VTI1A: variants seen among roughly 807,000 people sequenced by gnomAD.
VTI1A encodes vesicle transport through interaction with t-SNAREs 1A.
VTI1A carries 22 observed loss-of-function variants against 34.9 expected under a neutral mutation model. The observed-to-expected ratio is 0.63, with a 90% confidence interval of 0.45 to 0.90. The LOEUF (loss-of-function observed/expected upper bound fraction) is 0.90. VTI1A is among the 40% of genes least tolerant of loss of function. VTI1A has a pLI of 0.00. For synonymous variants in VTI1A, 87 were observed against 97.3 expected, an observed-to-expected ratio of 0.89 and a Z score of 0.62; for missense variants, 268 against 275.6, an observed-to-expected ratio of 0.97 and a Z score of 0.20.
At chr10:112,628,900 A>C (rs1400238939) in intron 5 of VTI1A, among the ~76,000 whole-genome samples, 1 of 152,142 alleles carries the variant, frequency 6.6e-6, no homozygotes, top group Non-Finnish European at 1.5e-5. Context: ...GTCTACATTT[A>C]AAGTATGAGT....
chr10:112,531,058 ACACCT>A (rs1850407269), intron 4 of VTI1A, among the ~76,000 whole-genome samples: 1 of 99,564 alleles, frequency 1.0e-5, no homozygotes, highest in Non-Finnish European at 2.1e-5. Flanking sequence ...GTCACGTGAC[ACACCT>A]CACACACACA....
intron 5 of VTI1A, among the ~76,000 whole-genome samples, chr10:112,619,898 T>C (rs1845660992): frequency 6.6e-6 from 1 of 152,096 alleles, no homozygotes; most frequent in African/African-American, 2.4e-5. Flanking sequence ...GAGGACATAA[T>C]TGAAAGGGTG....
At chr10:112,660,734 G>A (rs1183498478) in intron 5 of VTI1A, among the ~76,000 whole-genome samples, 2 of 152,126 alleles carry the variant, frequency 1.3e-5, no homozygotes, top group Non-Finnish European at 2.9e-5. Flanking sequence ...AGTGGGTACT[G>A]TGTAATATTG....
At chr10:112,576,633 A>G (rs1453987474) in intron 5 of VTI1A, among the ~76,000 whole-genome samples, 1 of 152,198 alleles carries the variant, frequency 6.6e-6, no homozygotes, top group African/African-American at 2.4e-5. Flanking sequence ...ACTACCTCCC[A>G]TCATCTATAA....
At chr10:112,555,101 AT>A (rs1851497271) in intron 5 of VTI1A, among the ~76,000 whole-genome samples, 1 of 152,124 alleles carries the variant, frequency 6.6e-6, no homozygotes, top group Admixed American at 6.5e-5. Context: ...GAATAATGAG[AT>A]TATAGATTTT....
intron 7 of VTI1A, among the ~76,000 whole-genome samples, chr10:112,775,440 T>C (rs527378418): frequency 2.0e-5 from 3 of 152,210 alleles, no homozygotes; most frequent in Non-Finnish European, 4.4e-5. Context: ...TAAGGAACCA[T>C]CCTAGAATTC....
chr10:112,628,330 T>A (rs1410365508), intron 5 of VTI1A, among the ~76,000 whole-genome samples: 3 of 152,182 alleles, frequency 2.0e-5, no homozygotes, highest in Non-Finnish European at 2.9e-5. Flanking sequence ...AGGATTAATA[T>A]TATTGTTCTG....
intron 7 of VTI1A, among the ~76,000 whole-genome samples, chr10:112,752,054 G>A (rs1390737657): frequency 1.3e-5 from 2 of 152,162 alleles, no homozygotes; most frequent in Non-Finnish European, 2.9e-5. Flanking sequence ...TTTTAACTTA[G>A]AACTCAGGGA....
intron 5 of VTI1A, among the ~76,000 whole-genome samples, chr10:112,592,984 T>C (rs1195492867): frequency 6.6e-6 from 1 of 152,142 alleles, no homozygotes; most frequent in Non-Finnish European, 1.5e-5. Context: ...AAAGGAACAA[T>C]TGAGATTATT....
intron 7 of VTI1A, among the ~76,000 whole-genome samples, chr10:112,784,186 G>A (rs1419734727): frequency 6.6e-6 from 1 of 152,164 alleles, no homozygotes; most frequent in Non-Finnish European, 1.5e-5. Context: ...ATCTTAACGT[G>A]ATTAATAGCA....
At chr10:112,813,942 C>G (rs1853414541) in intron 7 of VTI1A, among the ~76,000 whole-genome samples, 1 of 152,114 alleles carries the variant, frequency 6.6e-6, no homozygotes, top group African/African-American at 2.4e-5. Context: ...TGTTACCTGT[C>G]AGGAGGAGAG....
At chr10:112,558,363 G>GA (rs1464393241) in intron 5 of VTI1A, among the ~76,000 whole-genome samples, 3 of 152,090 alleles carry the variant, frequency 2.0e-5, no homozygotes, top group Non-Finnish European at 4.4e-5. Flanking sequence ...ATGTAAAAGG[G>GA]AAAAACCTCT....
At chr10:112,724,102 T>C (rs1228995350) in intron 7 of VTI1A, among the ~76,000 whole-genome samples, 1 of 152,212 alleles carries the variant, frequency 6.6e-6, no homozygotes, top group Non-Finnish European at 1.5e-5. Flanking sequence ...GTCCCCATGT[T>C]AATAGTTGTT....
intron 5 of VTI1A, among the ~76,000 whole-genome samples, chr10:112,651,162 G>A (rs760142885): frequency 1.3e-5 from 2 of 152,150 alleles, no homozygotes; most frequent in Admixed American, 6.5e-5. Context: ...TCAGCAAGGG[G>A]AGCATTCCTG....
At chr10:112,497,326 A>T (rs1849063889) in intron 3 of VTI1A, among the ~76,000 whole-genome samples, 1 of 151,978 alleles carries the variant, frequency 6.6e-6, no homozygotes, top group Admixed American at 6.6e-5. Flanking sequence ...TCAAAAAAAA[A>T]AAAATAATAA....
chr10:112,486,123 A>T (rs893130052), intron 3 of VTI1A, among the ~76,000 whole-genome samples: 1 of 152,138 alleles, frequency 6.6e-6, no homozygotes, highest in Non-Finnish European at 1.5e-5. Flanking sequence ...TACCACGCGT[A>T]TGTCTGTGCT....
intron 5 of VTI1A, chr10:112,634,368 A>G (rs963130982): frequency 6.6e-6 from 1 of 152,324 alleles, no homozygotes; most frequent in South Asian, 2.1e-4. Context: ...TGACTACACT[A>G]TGCTGTGCTA....
chr10:112,622,015 G>A (rs920396568), intron 5 of VTI1A, among the ~76,000 whole-genome samples: 1 of 152,180 alleles, frequency 6.6e-6, no homozygotes, highest in Non-Finnish European at 1.5e-5. Flanking sequence ...GAGACAGAGA[G>A]AGAGAGAGAG....
intron 5 of VTI1A, among the ~76,000 whole-genome samples, chr10:112,574,511 A>G (rs1410182929): frequency 1.3e-5 from 2 of 152,234 alleles, no homozygotes; most frequent in East Asian, 1.9e-4. Flanking sequence ...TGGGAATCAA[A>G]TAGACCTGGA....
Sources: gnomAD v4.1 joint callset for allele counts (sites outside exome capture counted in the v4.1 genomes callset) on GRCh38, gnomAD v4.1.1 for gene constraint, MANE v1.5 for transcripts, NCBI Gene and HGNC (gene_info 2026-07-23, HGNC 2026-07-21) for gene names.